GPR158: variants seen among roughly 807,000 people sequenced by gnomAD.
GPR158 encodes G protein-coupled receptor 158.
A neutral mutation model predicts 78.2 loss-of-function variants in GPR158; 30 were observed. That is an observed-to-expected ratio of 0.38 (90% confidence interval 0.29 to 0.52). The LOEUF (loss-of-function observed/expected upper bound fraction) is 0.52. Ranked by LOEUF, GPR158 falls within the 20% of genes least tolerant of loss-of-function variation. The probability of loss-of-function intolerance (pLI) is 0.83; values close to 1 mark genes in which losing one functional copy is unlikely to be tolerated. For synonymous variants in GPR158, 581 were observed against 591.1 expected (o/e 0.98, Z 0.25); for missense variants, 1,463 against 1,523.5 (o/e 0.96, Z 0.66).
chr10:25,493,113 T>C (rs1447267119), intron 5 of GPR158, among the ~76,000 whole-genome samples: 1 of 152,088 alleles, frequency 6.6e-6, no homozygotes, highest in African/African-American at 2.4e-5. Context: ...TACTGACATA[T>C]AGGCCTTTCA....
At chr10:25,400,943 A>G (rs538748837) in intron 3 of GPR158, among the ~76,000 whole-genome samples, 1 of 152,192 alleles carries the variant, frequency 6.6e-6, no homozygotes. Context: ...AATTAGAGAC[A>G]TAAAGAGTAT....
At chr10:25,426,957 G>C (rs2130569737) in intron 4 of GPR158, among the ~76,000 whole-genome samples, 1 of 147,094 alleles carries the variant, frequency 6.8e-6, no homozygotes, top group South Asian at 2.2e-4. Context: ...AAGTCCTCTA[G>C]ATTATTGCCA....
At chr10:25,239,607 CAA>C (rs11394522) in intron 2 of GPR158, among the ~76,000 whole-genome samples, 1,823 of 137,750 alleles carry the variant, frequency 0.013, 25 homozygotes, top group South Asian at 0.042. Context: ...GACTCTGTCT[CAA>C]AAAAAAAAAA....
chr10:25,176,686 T>C lies in GPR158; in HGVS notation c.902+364T>C, dbSNP rs1176433576. ...CCCCACCGGGGGGCGATGCGACAACTTGGCGAGCGCCGGGTGTGTCCGCGG... is the reference window on the plus strand; with the variant it reads ...CCCCACCGGGGGGCGATGCGACAACCTGGCGAGCGCCGGGTGTGTCCGCGG... On this transcript the variant is annotated intron_variant, in intron 1 of 10. Coordinates refer to ENST00000376351, the MANE Select transcript of GPR158 (RefSeq NM_020752.3). The surrounding 1 kb of genome is among the most constrained non-coding windows in gnomAD (Gnocchi z 6.3). Among the ~76,000 whole-genome samples the C allele has an allele frequency of 6.6e-6, 1 of 152,180 alleles. No individual in the cohort carries two copies. Among genetic ancestry groups the C allele is most frequent in the Non-Finnish European group, 1.5e-5 (1 of 68,026 alleles).
chr10:25,343,067 A>G (rs1178157476), intron 2 of GPR158, among the ~76,000 whole-genome samples: 1 of 151,990 alleles, frequency 6.6e-6, no homozygotes, highest in African/African-American at 2.4e-5. Context: ...ATTATGAGCA[A>G]ACTTCCTAGT....
chr10:25,331,910 A>C (rs1855129531), intron 2 of GPR158, among the ~76,000 whole-genome samples: 1 of 152,210 alleles, frequency 6.6e-6, no homozygotes, highest in Admixed American at 6.5e-5. Context: ...TTAAATGGGG[A>C]ATTACTATTT....
At chr10:25,559,721 ACCATCC>A (rs1368436337) in intron 6 of GPR158, among the ~76,000 whole-genome samples, 4 of 152,186 alleles carry the variant, frequency 2.6e-5, no homozygotes, top group Non-Finnish European at 4.4e-5. Context: ...GAGAGTAAAA[ACCATCC>A]AAGAGCTAAT....
chr10:25,495,216 G>A (rs1029714451), intron 5 of GPR158, among the ~76,000 whole-genome samples: 7 of 147,394 alleles, frequency 4.7e-5, no homozygotes, highest in Non-Finnish European at 1.0e-4. Flanking sequence ...TTTATTTATT[G>A]ACTTAACAGG....
intron 5 of GPR158, among the ~76,000 whole-genome samples, chr10:25,482,477 T>C (rs559434245): frequency 6.6e-6 from 1 of 152,214 alleles, no homozygotes; most frequent in South Asian, 2.1e-4. Context: ...ACCACTGTGC[T>C]TGGCTTAAAA....
intron 3 of GPR158, among the ~76,000 whole-genome samples, chr10:25,400,411 T>TA (rs1354556205): frequency 6.6e-6 from 1 of 152,180 alleles, no homozygotes; most frequent in African/African-American, 2.4e-5. Context: ...TGAAGTGATT[T>TA]AAAAATCTTT....
intron 1 of GPR158, among the ~76,000 whole-genome samples, chr10:25,208,168 G>T (rs1039893041): frequency 1.3e-5 from 2 of 152,288 alleles, no homozygotes; most frequent in African/African-American, 4.8e-5. Context: ...TTATTGGTCA[G>T]GGTTGGTAAC....
At chr10:25,505,060 T>C (rs1394935513) in intron 5 of GPR158, among the ~76,000 whole-genome samples, 1 of 152,208 alleles carries the variant, frequency 6.6e-6, no homozygotes, top group South Asian at 2.1e-4. Flanking sequence ...GCCTGCCTCA[T>C]AGAATTGTTA....
chr10:25,393,210 A>C (rs947141888), intron 2 of GPR158, among the ~76,000 whole-genome samples: 3 of 152,162 alleles, frequency 2.0e-5, no homozygotes, highest in Non-Finnish European at 4.4e-5. Flanking sequence ...AATTACAATA[A>C]ACTTTCAGAT....
In GPR158 at chr10:25,521,090, G is replaced by A. The variant is rs146903515; in HGVS notation, c.1405-29886G>A. Among the ~76,000 whole-genome samples the A allele has an allele frequency of 2.9e-4, 44 of 152,338 alleles. No individual in the cohort carries two copies. The East Asian group carries it at 5.0e-3, about 17-fold the overall frequency. On this transcript the variant is annotated intron_variant, in intron 5 of 10. Coordinates refer to ENST00000376351, the MANE Select transcript of GPR158 (RefSeq NM_020752.3). ...TGGTGCGCCATTTCCTAAGCCCGTCGGAAAAGCGCAGTATTCGGGCGGGAG... is the reference window on the plus strand; with the variant it reads ...TGGTGCGCCATTTCCTAAGCCCGTCAGAAAAGCGCAGTATTCGGGCGGGAG...
At position 25,466,691 on chromosome 10, in the gene GPR158, T is replaced by A. The variant is rs765642672; in HGVS notation, c.1376T>A (p.Leu459His). Residue 459 changes from leucine (L) to histidine (H), a missense_variant, in exon 5 of 11, where the codon CTT (leucine) becomes CAT (histidine). Coordinates refer to ENST00000376351, the MANE Select transcript of GPR158 (RefSeq NM_020752.3). ...GGCCTTATCCTGTTGGAAACGATCCTTTTTGGATCTCTGCTCCTATACTTT... is the reference window on the plus strand; with the variant it reads ...GGCCTTATCCTGTTGGAAACGATCCATTTTGGATCTCTGCTCCTATACTTT... ...ASGLILLETI[L>H]FGSLLLYFPV... 5.6e-6 allele frequency: 9 copies of A among 1,603,898 alleles called. No homozygotes were observed. Among genetic ancestry groups the A allele is most frequent in the Non-Finnish European group, 7.7e-6 (9 of 1,173,482 alleles).
chr10:25,448,431 G>A (rs1477432688), intron 4 of GPR158, among the ~76,000 whole-genome samples: 3 of 152,122 alleles, frequency 2.0e-5, no homozygotes, highest in Non-Finnish European at 4.4e-5. Flanking sequence ...ATTAATCTCT[G>A]TCTGTTGTGT....
chr10:25,418,438 AC>A (rs1397434328), intron 4 of GPR158, among the ~76,000 whole-genome samples: 1 of 152,200 alleles, frequency 6.6e-6, no homozygotes, highest in African/African-American at 2.4e-5. Flanking sequence ...GAAACTAATT[AC>A]ACACATTTGT....
At chr10:25,561,264 T>A (rs1341710547) in intron 6 of GPR158, among the ~76,000 whole-genome samples, 4 of 152,126 alleles carry the variant, frequency 2.6e-5, no homozygotes, top group Non-Finnish European at 4.4e-5. Context: ...ACATTACATT[T>A]AAAAAAATAA....
chr10:25,443,641 A>G (rs1236028010), intron 4 of GPR158, among the ~76,000 whole-genome samples: 2 of 149,568 alleles, frequency 1.3e-5, no homozygotes, highest in Admixed American at 6.7e-5. Context: ...TCCTGACCTC[A>G]AGCGATCATT....
Sources: gnomAD v4.1 joint callset for allele counts (sites outside exome capture counted in the v4.1 genomes callset) on GRCh38, gnomAD v4.1.1 for gene constraint, Gnocchi (gnomAD v3.1) non-coding constraint, MANE v1.5 for transcripts, NCBI Gene and HGNC (gene_info 2026-07-23, HGNC 2026-07-21) for gene names.